Variants in AQP7 observed in about 807,000 individuals in gnomAD.
AQP7 encodes the protein aquaporin 7, also known as aquaporin-7.
AQP7 carries 22 observed loss-of-function variants against 26.1 expected under a neutral mutation model. The observed-to-expected ratio is 0.84, with a 90% CI of 0.60 to 1.20. AQP7 has a LOEUF of 1.20. AQP7 is among the 50% of genes most tolerant of loss of function. The pLI, the probability that AQP7 is intolerant of heterozygous loss-of-function variation, is 0.00. For synonymous variants in AQP7, 167 were observed against 181.7 expected, an observed-to-expected ratio of 0.92 and a Z score of 0.65; for missense variants, 412 against 457.5, an observed-to-expected ratio of 0.90 and a Z score of 0.91.
rs528855599 is a variant in AQP7, at chr9:33,385,864, C to T, written c.528G>A (p.Ala176=). ...MTLWRGFLNE[A]WLTGMLQLCL... ...ACAGCTGGAGCATCCCGGTCAGCCA[C>T]GCCTGAGGAGCAGATGCTGTGGCAG... Residue 176 remains alanine, a splice_region_variant and synonymous_variant, in exon 7 of 8, where the codon GCG becomes GCA. Coordinates refer to ENST00000297988, the MANE Select transcript of AQP7 (RefSeq NM_001170.3). 2.2e-5 allele frequency: 36 copies of T among 1,605,370 alleles called. No individual in the cohort carries two copies. The Middle Eastern group carries it at 8.9e-4, about 40-fold the overall frequency.
At chr9:33,392,319 G>A (rs1259136520) in intron 3 of AQP7, among the ~76,000 whole-genome samples, 1 of 151,630 alleles carries the variant, frequency 6.6e-6, no homozygotes, top group Non-Finnish European at 1.5e-5. Flanking sequence ...AAAAAAGACT[G>A]TGATATTAGA....
intron 2 of AQP7, among the ~76,000 whole-genome samples, chr9:33,396,082 T>C (rs910960859): frequency 1.6e-4 from 25 of 151,974 alleles, no homozygotes; most frequent in African/African-American, 6.0e-4. Flanking sequence ...CAAATCTGCA[T>C]ATAGAGAGAG....
At chr9:33,385,993 C>T (rs1172519249) in intron 6 of AQP7, 84 bp downstream of exon 6, 30 of 1,584,554 alleles carry the variant, frequency 1.9e-5, no homozygotes, top group Non-Finnish European at 2.5e-5. Flanking sequence ...GAGTTCTTGT[C>T]CTGTCTATCC....
In AQP7 at chr9:33,386,069, C is replaced by T. The variant is rs10116528; in HGVS notation, c.525+8G>A. 7 of 1,612,764 alleles carry T rather than the reference C, an allele frequency of 4.3e-6. No homozygotes were observed. In the Admixed American group the frequency reaches 1.0e-4, roughly 23 times the overall value. On this transcript the variant is annotated splice_region_variant and intron_variant, in intron 6 of 7. Coordinates refer to ENST00000297988, the MANE Select transcript of AQP7 (RefSeq NM_001170.3). ...CAGGGGGAGGGATACTCATCCTCGA[C>T]CACTGACCTCATTCAGGAAGCCCCG...
In AQP7 at chr9:33,386,364, C is replaced by T. The variant is rs369094723; in HGVS notation, c.406+40G>A. 104 of 1,607,702 alleles carry T rather than the reference C, an allele frequency of 6.5e-5. No homozygotes were observed. In the African/African-American group the frequency reaches 8.7e-4, roughly 13 times the overall value. On this transcript the variant is annotated intron_variant, in intron 5 of 7. Coordinates refer to ENST00000297988, the MANE Select transcript of AQP7 (RefSeq NM_001170.3). ...CAATCTGCCCATATTTCATAGGAGG[C>T]GGCTGAGGCCAGAGGCGGACACCCG... is the stretch of plus-strand genomic sequence containing the variant.
chr9:33,396,037 T>C (rs1450447254), intron 2 of AQP7, among the ~76,000 whole-genome samples: 1 of 151,594 alleles, frequency 6.6e-6, no homozygotes, highest in Admixed American at 6.6e-5. Context: ...CACGGTTAGA[T>C]GGAAAGGTAG....
chr9:33,393,717 A>G (rs1436935924), intron 3 of AQP7: 1 of 152,258 alleles, frequency 6.6e-6, no homozygotes, highest in Non-Finnish European at 1.5e-5. Flanking sequence ...TGTCCCAATC[A>G]CACACTAAAG....
chr9:33,385,549 C>G (rs776883007), intron 7 of AQP7, 100 bp downstream of exon 7: 21 of 1,441,824 alleles, frequency 1.5e-5, no homozygotes, highest in Non-Finnish European at 1.9e-5. Flanking sequence ...GGGGGCTCAG[C>G]AGGACCCTCC....
At chr9:33,397,641 C>G (rs1334167074) in intron 2 of AQP7, among the ~76,000 whole-genome samples, 3 of 152,080 alleles carry the variant, frequency 2.0e-5, no homozygotes, top group Admixed American at 2.0e-4. Flanking sequence ...CTCTCATTCC[C>G]TCTGCTTACT....
At chr9:33,385,323 G>A (rs1173271409) in intron 7 of AQP7, 33 bp from the exon 8 acceptor site, 1 of 1,590,216 alleles carries the variant, frequency 6.3e-7, no homozygotes, top group South Asian at 1.1e-5. Flanking sequence ...TGCTGAGGGG[G>A]CTGATGCCCA....
chr9:33,396,120 G>T (rs1825827475), intron 2 of AQP7, among the ~76,000 whole-genome samples: 1 of 152,126 alleles, frequency 6.6e-6, no homozygotes, highest in Admixed American at 6.6e-5. Context: ...GGGGAAGGTG[G>T]CGGGGTGGGC....
chr9:33,384,972 T>C lies in AQP7; in HGVS notation c.*33A>G. The C allele has an allele frequency of 1.9e-6, 3 of 1,571,030 alleles. No individual in the cohort carries two copies. The highest frequency in any genetic ancestry group is 2.6e-6 in the Non-Finnish European group (3 of 1,155,130). On this transcript the variant is annotated 3_prime_UTR_variant, in exon 8 of 8. Transcript: ENST00000297988. ...TGCTGTCGGACAAGCCTTGCTTTAT[T>C]GGGGAATGGATGGGATCACAAATAA...
intron 1 of AQP7, chr9:33,401,888 G>C (rs556977801): frequency 6.5e-6 from 1 of 153,116 alleles, no homozygotes; most frequent in Admixed American, 6.5e-5. Context: ...TCTAGCTCCA[G>C]CACAGACTCT....
chr9:33,383,377 A>G lies in AQP7; in HGVS notation c.*1628T>C, dbSNP rs950370470. ...CTCAGACTCAGCATGTCCATGATGT[A>G]ACTTATCTTCCTCTCCAAACCATTT... is the stretch of plus-strand genomic sequence containing the variant. On this transcript the variant is annotated 3_prime_UTR_variant, in exon 8 of 8. Transcript: ENST00000297988. The G allele has an allele frequency of 1.3e-5, 2 of 152,100 alleles. No individual in the cohort carries two copies. The highest frequency in any genetic ancestry group is 4.8e-5 in the African/African-American group (2 of 41,378). The allele number at this position is 152,100 out of a possible 1,614,324, so 9.4% of individuals were successfully genotyped here.
chr9:33,400,741 G>T (rs1162837660), intron 2 of AQP7, among the ~76,000 whole-genome samples: 1 of 151,932 alleles, frequency 6.6e-6, no homozygotes, highest in African/African-American at 2.4e-5. Context: ...GGAGGAGGAG[G>T]TTGCAGTGAG....
At position 33,398,910 on chromosome 9, in the gene AQP7, C is replaced by T. The variant is rs546259885; in HGVS notation, c.26+2327G>A. Among the ~76,000 whole-genome samples the T allele has an allele frequency of 2.6e-3, 388 of 152,126 alleles. 2 individuals carry two copies. The highest frequency in any genetic ancestry group is 8.8e-3 in the African/African-American group (367 of 41,502). On this transcript the variant is annotated intron_variant, in intron 2 of 7. Transcript: ENST00000297988. ...CCAACCAGATTCCCTAAGTAATCTG[C>T]TAACCAAGGAACTAAATAGCTAACA...
chr9:33,400,791 C>A (rs1023775684), intron 2 of AQP7, among the ~76,000 whole-genome samples: 1 of 150,616 alleles, frequency 6.6e-6, no homozygotes, highest in Non-Finnish European at 1.5e-5. Context: ...GGCGACAGAA[C>A]TGGATTCCAT....
In AQP7 at chr9:33,386,393, A is replaced by G; in HGVS notation, c.406+11T>C. ...TGAGGCCAGAGGCGGACACCCGGGC[A>G]GGATACTCACTGTAGAAGAGACTGT... On this transcript the variant is annotated intron_variant, in intron 5 of 7. Transcript: ENST00000297988. 6.2e-7 allele frequency: 1 copy of G among 1,610,632 alleles called. No individual in the cohort carries two copies. Among genetic ancestry groups the G allele is most frequent in the Non-Finnish European group, 8.5e-7 (1 of 1,178,774 alleles).
At position 33,398,394 on chromosome 9, in the gene AQP7, T is replaced by C. The variant is rs575106100; in HGVS notation, c.26+2843A>G. On this transcript the variant is annotated intron_variant, in intron 2 of 7. Transcript: ENST00000297988. ...GGAGGGTTTCAGCAGGAGAGCTGCC[T>C]CCCCTGTGGAGGCCAGGATGGAGGA... Among the ~76,000 whole-genome samples, 1,016 of 151,572 alleles carry C rather than the reference T, an allele frequency of 6.7e-3. 15 individuals are homozygous for C. The highest frequency in any genetic ancestry group is 0.024 in the African/African-American group (981 of 41,288).
Sources: gnomAD v4.1 joint callset for allele counts (sites outside exome capture counted in the v4.1 genomes callset) on GRCh38, gnomAD v4.1.1 for gene constraint, MANE v1.5 for transcripts, NCBI Gene and HGNC (gene_info 2026-07-23, HGNC 2026-07-21) for gene names.